PPP1R15B: variants seen among roughly 807,000 people sequenced by gnomAD.
The protein encoded by PPP1R15B is protein phosphatase 1, regulatory (inhibitor) subunit 15B.
Under a neutral mutation model 53.9 loss-of-function variants are expected in PPP1R15B, and 31 were observed. The ratio of observed to expected loss-of-function variants is 0.58; its 90% CI spans 0.43 to 0.78. The LOEUF is 0.78. Ranked by LOEUF, PPP1R15B falls within the 30% of genes least tolerant of loss-of-function variation. PPP1R15B has a pLI of 0.00. For missense variants in PPP1R15B, 928 were observed against 849.6 expected, an observed-to-expected ratio of 1.09 and a Z score of -1.15; for synonymous variants, 345 against 329.1, an observed-to-expected ratio of 1.05 and a Z score of -0.52.
chr1:204,410,428 T>C lies in PPP1R15B; in HGVS notation c.984A>G (p.Glu328=), dbSNP rs750600395. 3 of 1,614,236 alleles carry C rather than the reference T, an allele frequency of 1.9e-6. No homozygotes were observed. In the South Asian group the frequency reaches 3.3e-5, roughly 18 times the overall value. ...TTGGATCCATCCGGAGAAGGCTGTG[T>C]TCCTCCTCCAGGCTGTGGTAGCCAT... is the stretch of plus-strand genomic sequence containing the variant. ...QDNGYHSLEE[E]HSLLRMDPKH... The change falls in exon 1 of 2, where the codon GAA becomes GAG. Residue 328 remains glutamate (E), a synonymous_variant. Coordinates refer to ENST00000367188, the MANE Select transcript of PPP1R15B (RefSeq NM_032833.5).
Position 204,411,565 on chromosome 1 carries a change from G to A in PPP1R15B, c.-154C>T. The A allele has an allele frequency of 9.7e-7, 1 of 1,028,816 alleles. No homozygotes were observed. Among genetic ancestry groups the A allele is most frequent in the Non-Finnish European group, 1.4e-6 (1 of 711,042 alleles). The allele number at this position is 1,028,816 out of a possible 1,614,324, so 63.7% of individuals were successfully genotyped here. A position where few individuals can be genotyped will look rare whatever the true frequency, so the allele number is the denominator to read the frequency against. ...CGAGCCAGCAGAAAAGCCACAGAGG[G>A]CAGCGAATGCGGCAGCGGGCGGCAG... On this transcript the variant is annotated 5_prime_UTR_variant, in exon 1 of 2. Coordinates refer to ENST00000367188, the MANE Select transcript of PPP1R15B (RefSeq NM_032833.5).
intron 1 of PPP1R15B, among the ~76,000 whole-genome samples, 168 bp from the exon 2 acceptor site, chr1:204,406,481 C>T (rs1409533876): frequency 6.6e-6 from 1 of 152,020 alleles, no homozygotes; most frequent in Non-Finnish European, 1.5e-5. Context: ...AAAAAAAGTT[C>T]TGTCACGCCT....
At chr1:204,397,345 GGTGAAACCT>G (rs2103437540), downstream of PPP1R15B, among the ~76,000 whole-genome samples, 1 of 152,152 alleles carries the variant, frequency 6.6e-6, no homozygotes, top group African/African-American at 2.4e-5. Flanking sequence ...GGCAACATGG[GGTGAAACCT>G]GTCTCTACTA....
Position 204,404,558 on chromosome 1 carries a change from G to A in PPP1R15B, c.*1534C>T, listed in dbSNP as rs1257538107. The A allele has an allele frequency of 4.1e-6, 4 of 985,502 alleles. No individual in the cohort carries two copies. Among genetic ancestry groups the A allele is most frequent in the Admixed American group, 1.2e-4 (2 of 16,242 alleles). The allele number at this position is 985,502 out of a possible 1,614,324, so 61.0% of individuals were successfully genotyped here. A position where few individuals can be genotyped will look rare whatever the true frequency, so the allele number is the denominator to read the frequency against. On this transcript the variant is annotated 3_prime_UTR_variant, in exon 2 of 2. Transcript: ENST00000367188. ...AAATTTGACCAGCTTTTATAGTGTTGCATTCTCAATGTGTTTAATTATGAA... is the reference window on the plus strand; with the variant it reads ...AAATTTGACCAGCTTTTATAGTGTTACATTCTCAATGTGTTTAATTATGAA...
At position 204,404,962 on chromosome 1, in the gene PPP1R15B, C is replaced by T. The variant is rs529749673; in HGVS notation, c.*1130G>A. The T allele has an allele frequency of 2.0e-6, 2 of 984,656 alleles. No homozygotes were observed. Among genetic ancestry groups the T allele is most frequent in the East Asian group, 2.3e-4 (2 of 8,822 alleles). 61.0% of individuals were successfully genotyped at this position (984,656 alleles called of 1,614,324 possible). A position where few individuals can be genotyped will look rare whatever the true frequency, so the allele number is the denominator to read the frequency against. On this transcript the variant is annotated 3_prime_UTR_variant, in exon 2 of 2. Coordinates refer to ENST00000367188, the MANE Select transcript of PPP1R15B (RefSeq NM_032833.5). ...TTCTATCCTTTCCTGAAAGTAAAGG[C>T]CTTGCCATTACTTCTCTCATTATTA...
At position 204,411,486 on chromosome 1, in the gene PPP1R15B, C is replaced by G. The variant is rs1398974521; in HGVS notation, c.-75G>C. On this transcript the variant is annotated 5_prime_UTR_variant, in exon 1 of 2. Coordinates refer to ENST00000367188, the MANE Select transcript of PPP1R15B (RefSeq NM_032833.5). ...GGAGGTCGACGGGATTCGGAGGAAGCCTACAGAGTCTCGGCCTTGCCCAGC... is the reference window on the plus strand; with the variant it reads ...GGAGGTCGACGGGATTCGGAGGAAGGCTACAGAGTCTCGGCCTTGCCCAGC... 6.5e-6 allele frequency: 10 copies of G among 1,536,332 alleles called. No individual in the cohort carries two copies. The Admixed American group carries it at 1.9e-4, about 29-fold the overall frequency.
chr1:204,405,357 GAAATT>G lies in PPP1R15B; in HGVS notation c.*730_*734del, dbSNP rs1374525347. On this transcript the variant is annotated 3_prime_UTR_variant, in exon 2 of 2. Coordinates refer to ENST00000367188, the MANE Select transcript of PPP1R15B (RefSeq NM_032833.5). ...TAACGTACACAGAACCCTCTTCAAAGAAATTAAATATATTAGATGTTAAAATGTGG... is the reference window on the plus strand; with the variant it reads ...TAACGTACACAGAACCCTCTTCAAAGAAATATATTAGATGTTAAAATGTGG... 2.6e-4 allele frequency: 254 copies of G among 983,914 alleles called. No homozygotes were observed. The highest frequency in any genetic ancestry group is 2.9e-4 in the Non-Finnish European group (238 of 828,724). 60.9% of individuals were successfully genotyped at this position (983,914 alleles called of 1,614,324 possible).
chr1:204,403,735 C>A lies in PPP1R15B; in HGVS notation c.*2357G>T. ...TAATTAAAACCTCCAAAGATTTTCTCTTTAAGATTACGGGGGTTTAACTTT... is the reference window on the plus strand; with the variant it reads ...TAATTAAAACCTCCAAAGATTTTCTATTTAAGATTACGGGGGTTTAACTTT... On this transcript the variant is annotated 3_prime_UTR_variant, in exon 2 of 2. Transcript: ENST00000367188. 1 of 985,416 alleles carries A rather than the reference C, an allele frequency of 1.0e-6. No individual in the cohort carries two copies. Among genetic ancestry groups the A allele is most frequent in the Non-Finnish European group, 1.2e-6 (1 of 829,512 alleles). The allele number at this position is 985,416 out of a possible 1,614,324, so 61.0% of individuals were successfully genotyped here.
downstream of PPP1R15B, among the ~76,000 whole-genome samples, chr1:204,400,953 G>C (rs1022178254): frequency 6.6e-6 from 1 of 152,212 alleles, no homozygotes; most frequent in Admixed American, 6.5e-5. Flanking sequence ...AGGCCTTGCG[G>C]CTCTCAGGCT....
At chr1:204,402,744 T>C (rs1674198244), downstream of PPP1R15B, among the ~76,000 whole-genome samples, 1 of 150,876 alleles carries the variant, frequency 6.6e-6, no homozygotes, top group African/African-American at 2.4e-5. Context: ...TGAGAGATCA[T>C]CATGATTTTA....
chr1:204,396,994 C>A (rs1440545764), downstream of PPP1R15B, among the ~76,000 whole-genome samples: 4 of 152,014 alleles, frequency 2.6e-5, no homozygotes, highest in Admixed American at 1.3e-4. Flanking sequence ...TCAAGACCAG[C>A]CTGGGCAATA....
Position 204,410,502 on chromosome 1 carries a change from G to T in PPP1R15B, c.910C>A (p.Leu304Ile). The change falls in exon 1 of 2, where the codon CTT (leucine) becomes ATT (isoleucine). Residue 304 changes from leucine (L) to isoleucine (I), a missense_variant. Leu to Ile is a conservative substitution (Grantham distance 5, BLOSUM62 2). Coordinates refer to ENST00000367188, the MANE Select transcript of PPP1R15B (RefSeq NM_032833.5). ...TCTTGCCCCTTGCTAGCCTGTTGAAGGAATTCCAGCCGTTTCATGCGAAGA... is the reference window on the plus strand; with the variant it reads ...TCTTGCCCCTTGCTAGCCTGTTGAATGAATTCCAGCCGTTTCATGCGAAGA... ...HHLRMKRLEF[L>I]QQASKGQDLP... The T allele has an allele frequency of 6.2e-7, 1 of 1,614,162 alleles. No individual in the cohort carries two copies. The highest frequency in any genetic ancestry group is 1.7e-5 in the Admixed American group (1 of 60,018).
chr1:204,403,879 T>C lies in PPP1R15B; in HGVS notation c.*2213A>G. Reference sequence around the variant, plus strand: ...TGATCACTTCTTCCAAGGAGGCTAGTATATGGAAGAACTCTTAATCAAGCT... The same window carrying C: ...TGATCACTTCTTCCAAGGAGGCTAGCATATGGAAGAACTCTTAATCAAGCT... On this transcript the variant is annotated 3_prime_UTR_variant, in exon 2 of 2. Coordinates refer to ENST00000367188, the MANE Select transcript of PPP1R15B (RefSeq NM_032833.5). The C allele has an allele frequency of 1.0e-6, 1 of 985,750 alleles. No homozygotes were observed. Among genetic ancestry groups the C allele is most frequent in the Non-Finnish European group, 1.2e-6 (1 of 829,880 alleles). The allele number at this position is 985,750 out of a possible 1,614,324, so 61.1% of individuals were successfully genotyped here. A position where few individuals can be genotyped will look rare whatever the true frequency, so the allele number is the denominator to read the frequency against.
At chr1:204,396,861 G>A (rs963347026), downstream of PPP1R15B, among the ~76,000 whole-genome samples, 1 of 152,164 alleles carries the variant, frequency 6.6e-6, no homozygotes, top group Non-Finnish European at 1.5e-5. Flanking sequence ...GAGATCTACT[G>A]TACGACATGG....
chr1:204,396,073 A>G (rs1219618136), downstream of PPP1R15B, among the ~76,000 whole-genome samples: 1 of 152,192 alleles, frequency 6.6e-6, no homozygotes, highest in Admixed American at 6.5e-5. Context: ...GATACACTCA[A>G]CAGAAGGAAT....
intron 1 of PPP1R15B, among the ~76,000 whole-genome samples, chr1:204,407,161 T>G (rs1463379056): frequency 6.6e-6 from 1 of 152,232 alleles, no homozygotes; most frequent in African/African-American, 2.4e-5. Context: ...TTTAAAAATT[T>G]TTTTCACTTT....
Position 204,405,243 on chromosome 1 carries a change from T to G in PPP1R15B, c.*849A>C. 3.1e-6 allele frequency: 3 copies of G among 978,224 alleles called. No homozygotes were observed. Among genetic ancestry groups the G allele is most frequent in the Non-Finnish European group, 3.6e-6 (3 of 822,946 alleles). The allele number at this position is 978,224 out of a possible 1,614,324, so 60.6% of individuals were successfully genotyped here. On this transcript the variant is annotated 3_prime_UTR_variant, in exon 2 of 2. Transcript: ENST00000367188. Reference sequence around the variant, plus strand: ...CTTTTAAGTTTAAAAAATAAATGATTATGATGTAATTATTACTTTCCAGAG... The same window carrying G: ...CTTTTAAGTTTAAAAAATAAATGATGATGATGTAATTATTACTTTCCAGAG...
chr1:204,409,923 G>A lies in PPP1R15B; in HGVS notation c.1489C>T (p.Gln497Ter), dbSNP rs747669766. ...TCAGGAACAATTCTGGCAGCAGTCT[G>A]AATTGTTGCTGTAAAGTTCTGGGGA... is the stretch of plus-strand genomic sequence containing the variant. Reference protein sequence around the residue: ...YNPQNFTATIQTAARIVPEEP... With the variant: ...YNPQNFTATI Residue 497 changes from glutamine to a stop codon, truncating the protein, a stop_gained, in exon 1 of 2, where the codon CAG becomes TAG. Transcript: ENST00000367188. LOFTEE classifies it high-confidence loss of function. 4 of 1,613,946 alleles carry A rather than the reference G, an allele frequency of 2.5e-6. No individual in the cohort carries two copies.
intron 1 of PPP1R15B, among the ~76,000 whole-genome samples, chr1:204,407,641 G>C (rs1049307449): frequency 6.6e-5 from 10 of 152,070 alleles, no homozygotes; most frequent in African/African-American, 2.4e-4. Context: ...CTCATTCATT[G>C]TGTCATTAAG....
Sources: allele counts gnomAD v4.1 joint callset (sites outside exome capture counted in the v4.1 genomes callset), GRCh38; gene constraint gnomAD v4.1.1; transcripts MANE v1.5; gene names NCBI Gene and HGNC (gene_info 2026-07-23, HGNC 2026-07-21).